The following ITPR1 variants were observed in gnomAD, a reference collection of about 807,000 sequenced individuals.
ITPR1 encodes the protein inositol 1,4,5-trisphosphate-gated calcium channel ITPR1.
In ITPR1, 96 loss-of-function variants were observed where a neutral mutation model predicts 318.4. That is an observed-to-expected ratio of 0.30 (90% CI 0.26 to 0.36). The LOEUF is 0.36. Among genes scored for constraint, ITPR1 ranks in the 10% least tolerant of loss-of-function variants. ITPR1 has a pLI of 1.00. For synonymous variants in ITPR1, 1,312 were observed against 1,289.9 expected (o/e 1.02, Z -0.37); for missense variants, 2,440 against 3,460.2 (o/e 0.71, Z 7.40).
In ITPR1 at chr3:4,665,298, T is replaced by C; in HGVS notation, c.1713+2T>C. The stretch of plus-strand genomic sequence containing the variant: ...CAGCAAGACTACAGGAAGAACCAGG[T>C]TTGGATTAAGCATTGGTGGGATGTG... On this transcript the variant is annotated splice_donor_variant, in intron 17 of 61. Coordinates refer to ENST00000649015, the MANE Select transcript of ITPR1 (RefSeq NM_001378452.1). LOFTEE classifies it high-confidence loss of function. 6.2e-7 allele frequency: 1 copy of C among 1,607,524 alleles called. No individual in the cohort carries two copies. Among genetic ancestry groups the C allele is most frequent in the Non-Finnish European group, 8.5e-7 (1 of 1,174,836 alleles).
At chr3:4,673,029 G>C (rs1030303302) in intron 20 of ITPR1, 107 bp from the exon 21 acceptor site, 2 of 1,254,228 alleles carry the variant, frequency 1.6e-6, no homozygotes, top group African/African-American at 3.0e-5. Flanking sequence ...TATGAGTTTA[G>C]TTGGCCAAAT....
chr3:4,504,871 G>C (rs759859891), intron 2 of ITPR1, among the ~76,000 whole-genome samples: 5 of 152,160 alleles, frequency 3.3e-5, no homozygotes, highest in Non-Finnish European at 7.3e-5. Context: ...GCATCGCAGG[G>C]AGACTTGTGC....
At chr3:4,599,614 A>G (rs904068684) in intron 4 of ITPR1, among the ~76,000 whole-genome samples, 7 of 152,306 alleles carry the variant, frequency 4.6e-5, no homozygotes, top group African/African-American at 1.7e-4. Context: ...GTGATGCTGT[A>G]CTTGATTGAT....
intron 35 of ITPR1, among the ~76,000 whole-genome samples, 191 bp from the exon 36 acceptor site, chr3:4,702,639 G>C (rs767409076): frequency 6.6e-6 from 1 of 152,164 alleles, no homozygotes; most frequent in South Asian, 2.1e-4. Flanking sequence ...CCCTTGGCTA[G>C]GTAACTTATG....
intron 44 of ITPR1, among the ~76,000 whole-genome samples, chr3:4,765,626 A>G (rs11712379): frequency 0.24 from 36,481 of 152,030 alleles, 5,747 homozygotes; most frequent in Non-Finnish European, 0.35. Flanking sequence ...TTGGCAGAAG[A>G]TACACTGGAA....
intron 37 of ITPR1, among the ~76,000 whole-genome samples, chr3:4,708,032 G>A (rs2094795318): frequency 1.3e-5 from 2 of 152,252 alleles, no homozygotes; most frequent in Non-Finnish European, 2.9e-5. Flanking sequence ...GAAGTGAGGA[G>A]CGCTTGAAAG....
rs765195620 is a variant in ITPR1 at position 4,710,296 on chromosome 3, C to T, written c.4843-29C>T. 37 of 1,516,810 alleles carry T rather than the reference C, an allele frequency of 2.4e-5. No individual in the cohort carries two copies. Among genetic ancestry groups the T allele is most frequent in the East Asian group, 1.5e-4 (6 of 41,120 alleles). The allele number at this position is 1,516,810 out of a possible 1,614,324, so 94.0% of individuals were successfully genotyped here. A position where few individuals can be genotyped will look rare whatever the true frequency, so the allele number is the denominator to read the frequency against. On this transcript the variant is annotated intron_variant, in intron 37 of 61. Transcript: ENST00000649015. The surrounding 1 kb of genome is among the most constrained non-coding windows in gnomAD (Gnocchi z 4.2). Reference sequence around the variant, plus strand: ...TCCTGTGGTCAGCGTCTGCCTGAGCCGTTGACTGAGGCTGTGTTTCCGTTT... The same window carrying T: ...TCCTGTGGTCAGCGTCTGCCTGAGCTGTTGACTGAGGCTGTGTTTCCGTTT...
intron 4 of ITPR1, among the ~76,000 whole-genome samples, chr3:4,576,060 T>A (rs529987181): frequency 4.6e-5 from 7 of 151,914 alleles, no homozygotes; most frequent in African/African-American, 1.7e-4. Context: ...GATAAGAGAT[T>A]TATAGTCTAA....
chr3:4,758,621 C>T (rs964887034), intron 44 of ITPR1, among the ~76,000 whole-genome samples: 19 of 152,232 alleles, frequency 1.2e-4, no homozygotes, highest in African/African-American at 2.7e-4. Context: ...TCCTATTCTC[C>T]TCCCCAGGAC....
Position 4,795,135 on chromosome 3 carries a change from C to T in ITPR1, c.6879C>T (p.Val2293=). ...GCAGCATTTCGTTTAACCTGGCCGT[C>T]CTGATGAACCTGCTGGTGGCGTTTT... ...FWSSISFNLA[V]LMNLLVAFFY... is the part of the protein sequence containing the mutation. The change falls in exon 53 of 62, where the codon GTC becomes GTT. Residue 2293 remains valine (V), a synonymous_variant. Coordinates refer to ENST00000649015, the MANE Select transcript of ITPR1 (RefSeq NM_001378452.1). 1 of 1,613,844 alleles carries T rather than the reference C, an allele frequency of 6.2e-7. No individual in the cohort carries two copies. The highest frequency in any genetic ancestry group is 8.5e-7 in the Non-Finnish European group (1 of 1,179,828).
At chr3:4,529,163 T>C (rs1316251827) in intron 4 of ITPR1, among the ~76,000 whole-genome samples, 1 of 152,222 alleles carries the variant, frequency 6.6e-6, no homozygotes, top group Non-Finnish European at 1.5e-5. Flanking sequence ...TCCATTCTTT[T>C]TTGCATACCT....
intron 2 of ITPR1, among the ~76,000 whole-genome samples, chr3:4,507,186 T>C (rs139894307): frequency 1.8e-3 from 275 of 152,156 alleles, no homozygotes; most frequent in African/African-American, 6.3e-3. Context: ...TGTTTCTGTC[T>C]TCAGTCTGTT....
At chr3:4,504,354 C>T (rs2081254697) in intron 2 of ITPR1, among the ~76,000 whole-genome samples, 1 of 152,158 alleles carries the variant, frequency 6.6e-6, no homozygotes, top group Non-Finnish European at 1.5e-5. Context: ...AGAATCACTC[C>T]TCTGAACTTC....
Position 4,796,897 on chromosome 3 carries a change from C to T in ITPR1, c.6931+1710C>T, listed in dbSNP as rs192535043. 1.6e-4 allele frequency among the ~76,000 whole-genome samples: 25 copies of T among 152,242 alleles called. No individual in the cohort carries two copies. The East Asian group carries it at 4.3e-3, about 26-fold the overall frequency. ...TGGCTTCAGAAAATCCTGTAGAACC[C>T]GGGGAAGAACAGTTGGCAAACTAGT... On this transcript the variant is annotated intron_variant, in intron 53 of 61. Coordinates refer to ENST00000649015, the MANE Select transcript of ITPR1 (RefSeq NM_001378452.1).
intron 42 of ITPR1, among the ~76,000 whole-genome samples, chr3:4,728,476 G>A (rs1414663329): frequency 6.6e-6 from 1 of 152,150 alleles, no homozygotes; most frequent in East Asian, 1.9e-4. Flanking sequence ...TACATAGTAG[G>A]TGTATGTATT....
intron 55 of ITPR1, among the ~76,000 whole-genome samples, chr3:4,808,641 A>G (rs561401112): frequency 3.3e-5 from 5 of 152,342 alleles, no homozygotes; most frequent in Non-Finnish European, 7.3e-5. Flanking sequence ...TTGGTATCAA[A>G]GCAGTACTCA....
intron 53 of ITPR1, 58 bp downstream of exon 53, chr3:4,795,245 G>A (rs1287245021): frequency 3.2e-6 from 5 of 1,558,788 alleles, no homozygotes; most frequent in African/African-American, 1.4e-5. Context: ...GCTAGGACTT[G>A]CATCTCAGTT....
chr3:4,812,602 T>C (rs2049010944), intron 56 of ITPR1, among the ~76,000 whole-genome samples: 1 of 152,206 alleles, frequency 6.6e-6, no homozygotes, highest in Non-Finnish European at 1.5e-5. Flanking sequence ...GAAATACTAC[T>C]GGTTTTTCAT....
intron 38 of ITPR1, among the ~76,000 whole-genome samples, chr3:4,711,227 A>AAG (rs928300770): frequency 6.7e-6 from 1 of 150,098 alleles, no homozygotes; most frequent in Non-Finnish European, 1.5e-5. Context: ...AAAAAAAAAA[A>AAG]AAAAAAAAGA....
Sources: allele counts gnomAD v4.1 joint callset (sites outside exome capture counted in the v4.1 genomes callset), GRCh38; gene constraint gnomAD v4.1.1; non-coding constraint Gnocchi (gnomAD v3.1); transcripts MANE v1.5; gene names NCBI Gene and HGNC (gene_info 2026-07-23, HGNC 2026-07-21).